ZFHX4: variants seen among roughly 807,000 people sequenced by gnomAD.
ZFHX4 encodes zinc finger homeobox 4, also known as zinc finger homeobox protein 4.
A neutral mutation model predicts 267.6 loss-of-function variants in ZFHX4; 56 were observed. The ratio of observed to expected loss-of-function variants is 0.21; its 90% CI spans 0.17 to 0.26. The LOEUF (loss-of-function observed/expected upper bound fraction) is 0.26. Among genes scored for constraint, ZFHX4 ranks in the 10% least tolerant of loss-of-function variants. The pLI, the probability that ZFHX4 is intolerant of heterozygous loss-of-function variation, is 1.00. For missense variants in ZFHX4, 4,332 were observed against 4,420.0 expected, an observed-to-expected ratio of 0.98 and a Z score of 0.56; for synonymous variants, 1,778 against 1,665.6, an observed-to-expected ratio of 1.07 and a Z score of -1.64.
chr8:76,705,994 C>T lies in ZFHX4; in HGVS notation c.1906C>T (p.His636Tyr), dbSNP rs1808256999. Reference sequence around the variant, plus strand: ...TCTTGGTGGTCATATGACTATGATGCACTCGAGGAACTCATGCAAAACCCT... The same window carrying T: ...TCTTGGTGGTCATATGACTATGATGTACTCGAGGAACTCATGCAAAACCCT... ...RSLGGHMTMM[H>Y]SRNSCKTLKC... The change falls in exon 2 of 11, where the codon CAC (histidine) becomes TAC (tyrosine). Residue 636 changes from histidine to tyrosine, a missense_variant. By Grantham distance (83) the His-to-Tyr change is moderately conservative. Around this residue, in one of 7 missense-constraint regions of ZFHX4, gnomAD observed 1,195 missense variants for 1,173.6 expected, o/e 1.02. Transcript: ENST00000651372. 1.2e-6 allele frequency: 2 copies of T among 1,612,820 alleles called. No homozygotes were observed. Among genetic ancestry groups the T allele is most frequent in the Admixed American group, 1.7e-5 (1 of 59,856 alleles).
intron 10 of ZFHX4, among the ~76,000 whole-genome samples, chr8:76,861,515 G>A (rs1812866437): frequency 6.6e-6 from 1 of 152,104 alleles, no homozygotes; most frequent in Admixed American, 6.6e-5. Flanking sequence ...ATCAAAGTAG[G>A]TCAGAGAAGA....
rs373264555 is a variant in ZFHX4, at chr8:76,708,029, C to A, written c.3074C>A (p.Ala1025Glu). 2 of 1,613,452 alleles carry A rather than the reference C, an allele frequency of 1.2e-6. No individual in the cohort carries two copies. Among genetic ancestry groups the A allele is most frequent in the South Asian group, 1.1e-5 (1 of 91,084 alleles). The part of the protein sequence containing the change: ...RLHTTNHRHE[A>E]ALKLYKHLQK... Reference sequence around the variant, plus strand: ...CATACCACCAATCACAGGCACGAGGCGGCCCTGAAGCTCTACAAGGTAAGC... The same window carrying A: ...CATACCACCAATCACAGGCACGAGGAGGCCCTGAAGCTCTACAAGGTAAGC... Residue 1025 changes from alanine to glutamate, a missense_variant, in exon 3 of 11, where the codon GCG (alanine) becomes GAG (glutamate). Physicochemically the swap from Ala to Glu is moderately radical, Grantham distance 107 (BLOSUM62 -1). This residue lies in a region of ZFHX4 where 1,371 missense variants were observed against 1,423.1 expected (regional missense o/e 0.96). Transcript: ENST00000651372.
chr8:76,778,494 C>A, intron 4 of ZFHX4, 55 bp downstream of exon 4: 2 of 1,285,232 alleles, frequency 1.6e-6, no homozygotes, highest in Non-Finnish European at 2.3e-6. Flanking sequence ...CACTTCATCA[C>A]ACACACACAC....
intron 1 of ZFHX4, among the ~76,000 whole-genome samples, chr8:76,694,821 G>A (rs1261830128): frequency 1.3e-5 from 2 of 149,414 alleles, no homozygotes; most frequent in Admixed American, 6.7e-5. Flanking sequence ...TCAGATTTTC[G>A]CAACACATTA....
chr8:76,745,361 A>T (rs1809431463), intron 3 of ZFHX4, among the ~76,000 whole-genome samples: 1 of 152,222 alleles, frequency 6.6e-6, no homozygotes, highest in African/African-American at 2.4e-5. Flanking sequence ...TTGGTAAAAT[A>T]AAATTCCTTT....
chr8:76,808,806 A>C (rs1447610994), intron 4 of ZFHX4, among the ~76,000 whole-genome samples: 1 of 152,068 alleles, frequency 6.6e-6, no homozygotes, highest in African/African-American at 2.4e-5. Flanking sequence ...GCATATTCTT[A>C]TCTGTTTACA....
At chr8:76,779,420 A>C (rs2131775711) in intron 4 of ZFHX4, among the ~76,000 whole-genome samples, 1 of 152,278 alleles carries the variant, frequency 6.6e-6, no homozygotes, top group East Asian at 1.9e-4. Context: ...TCAGGTGAGA[A>C]GCGTCAAGGT....
At chr8:76,708,949 T>C (rs1304093503) in intron 3 of ZFHX4, among the ~76,000 whole-genome samples, 1 of 152,196 alleles carries the variant, frequency 6.6e-6, no homozygotes, top group Non-Finnish European at 1.5e-5. Context: ...CAGAAAATAT[T>C]GCAAACCATT....
chr8:76,713,282 A>T (rs79059468), intron 3 of ZFHX4, among the ~76,000 whole-genome samples: 18 of 143,186 alleles, frequency 1.3e-4, no homozygotes, highest in African/African-American at 4.4e-4. Context: ...GATAGATAGA[A>T]AGATAGATAG....
intron 3 of ZFHX4, among the ~76,000 whole-genome samples, chr8:76,721,811 T>C (rs915004684): frequency 6.6e-6 from 1 of 152,150 alleles, no homozygotes; most frequent in Non-Finnish European, 1.5e-5. Context: ...AATTGGAGTC[T>C]TCTCTCTCTT....
At chr8:76,774,763 A>G (rs950957528) in intron 3 of ZFHX4, among the ~76,000 whole-genome samples, 7 of 152,142 alleles carry the variant, frequency 4.6e-5, no homozygotes, top group African/African-American at 1.7e-4. Context: ...TATTTTAGAA[A>G]TTTGAAAAAT....
chr8:76,784,775 A>T (rs941790695), intron 4 of ZFHX4, among the ~76,000 whole-genome samples: 5 of 152,104 alleles, frequency 3.3e-5, no homozygotes, highest in Non-Finnish European at 5.9e-5. Context: ...TTAAAACTCA[A>T]GTGAATTTTT....
Position 76,829,776 on chromosome 8 carries a change from G to A in ZFHX4, c.3326-3562G>A, listed in dbSNP as rs148630517. Among the ~76,000 whole-genome samples, 54 of 152,118 alleles carry A rather than the reference G, an allele frequency of 3.5e-4. No individual in the cohort carries two copies. In the East Asian group the frequency reaches 8.7e-3, roughly 25 times the overall value. On this transcript the variant is annotated intron_variant, in intron 4 of 10. Transcript: ENST00000651372. ...GGAGGTTGCAGTGAGTCAAGATCGC[G>A]CCACTGCACTCCGGCCTGGGTTACA...
chr8:76,814,869 CCA>C (rs1182427131), intron 4 of ZFHX4, among the ~76,000 whole-genome samples: 1 of 152,104 alleles, frequency 6.6e-6, no homozygotes, highest in Non-Finnish European at 1.5e-5. Context: ...GTAGTAGTAT[CCA>C]GAGTCACCTT....
chr8:76,791,427 G>A (rs1199941141), intron 4 of ZFHX4, among the ~76,000 whole-genome samples: 3 of 152,110 alleles, frequency 2.0e-5, no homozygotes, highest in East Asian at 3.9e-4. Context: ...TAGAAGGTTT[G>A]GATTTTAACG....
In ZFHX4 at chr8:76,853,241, C is replaced by T. The variant is rs1440237730; in HGVS notation, c.6320C>T (p.Ala2107Val). The T allele has an allele frequency of 2.5e-6, 4 of 1,580,632 alleles. No homozygotes were observed. Among genetic ancestry groups the T allele is most frequent in the African/African-American group, 1.4e-5 (1 of 74,058 alleles). ...LQLPQMDALS[A>V]DLTQLCQQQL... ...CTGCCACAGATGGACGCACTCTCTG[C>T]AGACCTCACCCAACTTTGCCAGCAG... The change falls in exon 10 of 11, where the codon GCA becomes GTA. Residue 2107 changes from alanine (A) to valine (V), a missense_variant. Ala to Val is a moderately conservative substitution (Grantham distance 64). Coordinates refer to ENST00000651372, the MANE Select transcript of ZFHX4 (RefSeq NM_024721.5).
At position 76,863,065 on chromosome 8, in the gene ZFHX4, A is replaced by G. The variant is rs956762264; in HGVS notation, c.9380-29A>G. 7 of 1,483,582 alleles carry G rather than the reference A, an allele frequency of 4.7e-6. No homozygotes were observed. In the African/African-American group the frequency reaches 9.9e-5, roughly 21 times the overall value. The allele number at this position is 1,483,582 out of a possible 1,614,324, so 91.9% of individuals were successfully genotyped here. Reference sequence around the variant, plus strand: ...TTCCGATGTTGGTCTGTACATTGACAGTGGCCATCTCTCTGTTGTTGTTTT... The same window carrying G: ...TTCCGATGTTGGTCTGTACATTGACGGTGGCCATCTCTCTGTTGTTGTTTT... On this transcript the variant is annotated intron_variant, in intron 10 of 10. Transcript: ENST00000651372.
At position 76,832,549 on chromosome 8, in the gene ZFHX4, C is replaced by T. The variant is rs140839270; in HGVS notation, c.3326-789C>T. On this transcript the variant is annotated intron_variant, in intron 4 of 10. Transcript: ENST00000651372. ...TAGACTATTACAGAGGCTGCTGAAA[C>T]GGTCAGGAAAGAGAAGAAGACAGAG... Among the ~76,000 whole-genome samples the T allele has an allele frequency of 8.5e-4, 129 of 152,052 alleles. 2 individuals carry two copies. In the South Asian group the frequency reaches 0.017, roughly 21 times the overall value.
chr8:76,860,153 A>G (rs1812829938), intron 10 of ZFHX4, among the ~76,000 whole-genome samples: 1 of 152,108 alleles, frequency 6.6e-6, no homozygotes, highest in South Asian at 2.1e-4. Context: ...TTTTCTGGCT[A>G]CTGATATTTT....
Sources: gnomAD v4.1 joint callset for allele counts (sites outside exome capture counted in the v4.1 genomes callset) on GRCh38, gnomAD v4.1.1 for gene constraint, gnomAD v4.1.1 regional missense constraint, MANE v1.5 for transcripts, NCBI Gene and HGNC (gene_info 2026-07-23, HGNC 2026-07-21) for gene names.